The following FGGY variants were observed in gnomAD, a reference collection of about 807,000 sequenced individuals.
FGGY encodes the protein FGGY carbohydrate kinase domain-containing protein.
Under a neutral mutation model 71.3 loss-of-function variants are expected in FGGY, and 72 were observed. The ratio of observed to expected loss-of-function variants is 1.01; its 90% confidence interval spans 0.84 to 1.23. The LOEUF is 1.23. FGGY is among the 50% of genes most tolerant of loss of function. The pLI is 0.00. For synonymous variants in FGGY, 251 were observed against 250.3 expected (o/e 1.00, Z -0.02); for missense variants, 668 against 682.3 (o/e 0.98, Z 0.23).
intron 8 of FGGY, among the ~76,000 whole-genome samples, chr1:59,577,556 A>C (rs190463984): frequency 3.7e-4 from 56 of 152,242 alleles, no homozygotes; most frequent in Non-Finnish European, 6.2e-4. Flanking sequence ...CCTGCAAAAA[A>C]ACAGTGTTGA....
At chr1:59,609,406 C>T (rs2096653587) in intron 9 of FGGY, among the ~76,000 whole-genome samples, 1 of 152,146 alleles carries the variant, frequency 6.6e-6, no homozygotes, top group African/African-American at 2.4e-5. Flanking sequence ...AGGGTAAAGG[C>T]CTGAGGACAC....
At chr1:59,561,944 T>A (rs1224723968) in intron 8 of FGGY, among the ~76,000 whole-genome samples, 3 of 152,168 alleles carry the variant, frequency 2.0e-5, no homozygotes, top group Admixed American at 1.3e-4. Context: ...AAAGCACTGG[T>A]CATTAGGGAA....
At chr1:59,503,601 A>C (rs1425781824) in intron 6 of FGGY, among the ~76,000 whole-genome samples, 1 of 146,430 alleles carries the variant, frequency 6.8e-6, no homozygotes, top group Non-Finnish European at 1.5e-5. Flanking sequence ...CGCCATATAT[A>C]TATATATATA....
At chr1:59,551,349 C>G (rs1270236301) in intron 7 of FGGY, among the ~76,000 whole-genome samples, 1 of 152,138 alleles carries the variant, frequency 6.6e-6, no homozygotes, top group African/African-American at 2.4e-5. Context: ...TAAATATTTC[C>G]TACACATTTC....
intron 4 of FGGY, among the ~76,000 whole-genome samples, chr1:59,374,596 C>T (rs1395350727): frequency 1.3e-5 from 2 of 152,104 alleles, no homozygotes; most frequent in Non-Finnish European, 2.9e-5. Context: ...TATAAAGACA[C>T]ATGCACACGT....
In FGGY at chr1:59,332,773, G is replaced by A. The variant is rs566859453; in HGVS notation, c.202-7185G>A. 3.3e-5 allele frequency among the ~76,000 whole-genome samples: 5 copies of A among 152,162 alleles called. No individual in the cohort carries two copies. The South Asian group carries it at 6.2e-4, about 19-fold the overall frequency. ...TCCTTGCTCCTACTAGGTTACTCCC[G>A]CCATGATTCTTAGAAAGATTTGAGT... On this transcript the variant is annotated intron_variant, in intron 2 of 15. Coordinates refer to ENST00000303721, the MANE Select transcript of FGGY (RefSeq NM_018291.5).
At chr1:59,713,045 A>G (rs2097809864) in intron 14 of FGGY, among the ~76,000 whole-genome samples, 5 of 152,210 alleles carry the variant, frequency 3.3e-5, no homozygotes, top group Admixed American at 3.3e-4. Context: ...TTTGCTGCTT[A>G]GGAATTTCTT....
At chr1:59,588,815 G>T (rs564417746) in intron 8 of FGGY, among the ~76,000 whole-genome samples, 1 of 152,264 alleles carries the variant, frequency 6.6e-6, no homozygotes, top group South Asian at 2.1e-4. Context: ...GGAACAACCG[G>T]TACCAGCCAC....
chr1:59,709,047 T>C (rs998784706), intron 14 of FGGY, among the ~76,000 whole-genome samples: 1 of 152,234 alleles, frequency 6.6e-6, no homozygotes, highest in Non-Finnish European at 1.5e-5. Context: ...GAGATGAATA[T>C]ATGTGTTCAT....
intron 6 of FGGY, among the ~76,000 whole-genome samples, chr1:59,502,086 T>G (rs2094243483): frequency 6.6e-6 from 1 of 152,240 alleles, no homozygotes. Context: ...ATAGCCTTTT[T>G]ACAGGTGAGG....
intron 14 of FGGY, among the ~76,000 whole-genome samples, chr1:59,691,349 G>A (rs2097584906): frequency 6.6e-6 from 1 of 152,202 alleles, no homozygotes; most frequent in Admixed American, 6.5e-5. Flanking sequence ...CTGTGTTACT[G>A]TCAAACATTG....
chr1:59,607,695 G>A, intron 8 of FGGY, 108 bp from the exon 9 acceptor site: 1 of 761,312 alleles, frequency 1.3e-6, no homozygotes, highest in Non-Finnish European at 2.1e-6. Flanking sequence ...ACCATAAAAG[G>A]CATTCAATAA....
Position 59,407,719 on chromosome 1 carries a change from A to T in FGGY, c.554+28882A>T, listed in dbSNP as rs2062978676. On this transcript the variant is annotated intron_variant, in intron 5 of 15. Transcript: ENST00000303721. The stretch of plus-strand genomic sequence containing the variant: ...AGGGCTCTAAAAACTGGAATGCTAT[A>T]CAGCATTTTAAGCCCCCTGTGTTGG... Among the ~76,000 whole-genome samples the T allele has an allele frequency of 2.6e-5, 4 of 152,278 alleles. No individual in the cohort carries two copies. The South Asian group carries it at 8.3e-4, about 32-fold the overall frequency.
chr1:59,502,131 G>A (rs1294511395), intron 6 of FGGY, among the ~76,000 whole-genome samples: 1 of 152,166 alleles, frequency 6.6e-6, no homozygotes, highest in Non-Finnish European at 1.5e-5. Context: ...ACTTGCCCAA[G>A]GTCACAAGCC....
At chr1:59,335,659 C>T (rs2049340116) in intron 2 of FGGY, among the ~76,000 whole-genome samples, 1 of 152,120 alleles carries the variant, frequency 6.6e-6, no homozygotes, top group African/African-American at 2.4e-5. Flanking sequence ...ATCACTTTCT[C>T]CACAATTCTC....
At chr1:59,746,032 T>TAACA (rs2098194441) in intron 14 of FGGY, among the ~76,000 whole-genome samples, 1 of 152,160 alleles carries the variant, frequency 6.6e-6, no homozygotes, top group Non-Finnish European at 1.5e-5. Context: ...TGAAACCGTC[T>TAACA]AACAGTGGAA....
At chr1:59,683,460 T>C (rs1457269057) in intron 14 of FGGY, among the ~76,000 whole-genome samples, 1 of 152,230 alleles carries the variant, frequency 6.6e-6, no homozygotes, top group Admixed American at 6.5e-5. Flanking sequence ...GCATGATTCC[T>C]GGGAATAGAT....
chr1:59,700,603 G>A lies in FGGY; in HGVS notation c.1512+26470G>A, dbSNP rs111961382. On this transcript the variant is annotated intron_variant, in intron 14 of 15. Coordinates refer to ENST00000303721, the MANE Select transcript of FGGY (RefSeq NM_018291.5). ...CCTGCCCTCCCTTTGGAGTGTGCAC[G>A]TCTCCTTTACTGTCTGATACCTGTC... Among the ~76,000 whole-genome samples the A allele has an allele frequency of 7.1e-3, 1,076 of 152,218 alleles. 18 individuals are homozygous for A. The highest frequency in any genetic ancestry group is 0.05 in the Admixed American group (759 of 15,284).
At chr1:59,355,436 T>C (rs533574546) in intron 4 of FGGY, among the ~76,000 whole-genome samples, 1 of 152,344 alleles carries the variant, frequency 6.6e-6, no homozygotes, top group African/African-American at 2.4e-5. Context: ...TTGGAAGAGT[T>C]TGCTACTGTT....
Sources: gnomAD v4.1 joint callset for allele counts (sites outside exome capture counted in the v4.1 genomes callset) on GRCh38, gnomAD v4.1.1 for gene constraint, MANE v1.5 for transcripts, NCBI Gene and HGNC (gene_info 2026-07-23, HGNC 2026-07-21) for gene names.